Variants in FBLN1 observed in about 807,000 individuals in gnomAD.
FBLN1 encodes fibulin-1.
In FBLN1, 34 loss-of-function variants were observed where a neutral mutation model predicts 89.7. The ratio of observed to expected loss-of-function variants is 0.38; its 90% confidence interval spans 0.29 to 0.50. The LOEUF (loss-of-function observed/expected upper bound fraction) is 0.50. Among genes scored for constraint, FBLN1 ranks in the 20% least tolerant of loss-of-function variants. FBLN1 has a pLI of 0.92. For missense variants in FBLN1, 777 were observed against 988.1 expected (o/e 0.79, Z 2.86); for synonymous variants, 393 against 391.3 (o/e 1.00, Z -0.05).
At chr22:45,598,787 G>A (rs9626405) in intron 16 of FBLN1, among the ~76,000 whole-genome samples, 44,454 of 152,228 alleles carry the variant, frequency 0.29, 9,464 homozygotes, top group African/African-American at 0.6. Flanking sequence ...TGGGAAGGCC[G>A]CTCTGCACAG....
Position 45,557,497 on chromosome 22 carries a change from T to C in FBLN1, c.1697+6882T>C, listed in dbSNP as rs113925818. Among the ~76,000 whole-genome samples, 1 of 152,286 alleles carries C rather than the reference T, an allele frequency of 6.6e-6. No homozygotes were observed. Among genetic ancestry groups the C allele is most frequent in the African/African-American group, 2.4e-5 (1 of 41,566 alleles). On this transcript the variant is annotated intron_variant, in intron 14 of 16. Coordinates refer to ENST00000327858, the MANE Select transcript of FBLN1 (RefSeq NM_006486.3). The surrounding 1 kb of genome is among the most constrained non-coding windows in gnomAD (Gnocchi z 4.9). ...GTGGCCATATCCAGGTCAGCCTTGGTGAGTGGAAGTCCATGTTGCTGAGCC... is the reference window on the plus strand; with the variant it reads ...GTGGCCATATCCAGGTCAGCCTTGGCGAGTGGAAGTCCATGTTGCTGAGCC...
chr22:45,558,209 G>T, intron 14 of FBLN1: 1 of 655,372 alleles, frequency 1.5e-6, no homozygotes, highest in South Asian at 1.7e-5. Context: ...GCTCAAGCCC[G>T]ATCACGTATA....
chr22:45,567,970 C>T (rs551793597), intron 14 of FBLN1, among the ~76,000 whole-genome samples: 28 of 152,254 alleles, frequency 1.8e-4, no homozygotes, highest in South Asian at 4.1e-4. Context: ...AAGGGGCTGG[C>T]GCAGGCTTGC....
chr22:45,571,111 C>CAAAAAAAAAAAAAAAAAAAAAAAAAA (rs542647353), intron 14 of FBLN1, among the ~76,000 whole-genome samples: 1 of 70,862 alleles, frequency 1.4e-5, no homozygotes, highest in African/African-American at 5.9e-5. Flanking sequence ...ACAAGAGTCT[C>CAAAAAAAAAAAAAAAAAAAAAAAAAA]AAAAAAAAAA....
intron 16 of FBLN1, among the ~76,000 whole-genome samples, chr22:45,599,842 G>A (rs931313921): frequency 4.6e-5 from 7 of 152,146 alleles, no homozygotes; most frequent in Non-Finnish European, 8.8e-5. Context: ...GCTTGAACCC[G>A]GGAGGTGGAC....
chr22:45,534,053 A>G (rs1047145531), intron 7 of FBLN1, among the ~76,000 whole-genome samples, 155 bp downstream of exon 7: 5 of 152,142 alleles, frequency 3.3e-5, no homozygotes, highest in African/African-American at 1.2e-4. Context: ...AGGTGGTTAT[A>G]CCCACCAGGG....
chr22:45,531,274 T>C lies in FBLN1; in HGVS notation c.494T>C (p.Ile165Thr), dbSNP rs1308274774. 1.9e-6 allele frequency: 3 copies of C among 1,613,996 alleles called. No homozygotes were observed. The highest frequency in any genetic ancestry group is 1.7e-5 in the Admixed American group (1 of 60,012). The change falls in exon 5 of 17, where the codon ATT becomes ACT. Residue 165 changes from isoleucine (I) to threonine (T), a missense_variant. Physicochemically the swap from Ile to Thr is moderately conservative, Grantham distance 89. Transcript: ENST00000327858. This position sits in a 1 kb window ranked among gnomAD's most constrained non-coding sequence, Gnocchi z 4.9. The stretch of plus-strand genomic sequence containing the variant: ...TCTTTTTCCCCCTTAGATAAGATCA[T>C]TGAGGTTGAGGAGGAACAAGAGGAC... Reference protein sequence around the residue: ...VGGLQETDKIIEVEEEQEDPY... With the variant: ...VGGLQETDKITEVEEEQEDPY...
At chr22:45,589,845 C>T (rs1481443177) in intron 16 of FBLN1, among the ~76,000 whole-genome samples, 1 of 151,490 alleles carries the variant, frequency 6.6e-6, no homozygotes, top group African/African-American at 2.5e-5. Context: ...CGCAGAGCAC[C>T]CTCCCATCGC....
intron 1 of FBLN1, among the ~76,000 whole-genome samples, chr22:45,516,591 C>T (rs2088172409): frequency 6.6e-6 from 1 of 152,210 alleles, no homozygotes; most frequent in African/African-American, 2.4e-5. Context: ...GACATTAGCT[C>T]TGCCTCCTGG....
chr22:45,528,331 CT>C (rs1409016444), intron 4 of FBLN1, among the ~76,000 whole-genome samples: 1 of 152,032 alleles, frequency 6.6e-6, no homozygotes, highest in East Asian at 1.9e-4. Context: ...CATCAACAGA[CT>C]TACATGTTAA....
At chr22:45,571,111 CAAAAAAAAAAAAAA>C (rs542647353) in intron 14 of FBLN1, among the ~76,000 whole-genome samples, 5 of 70,862 alleles carry the variant, frequency 7.1e-5, no homozygotes, top group Non-Finnish European at 1.3e-4. Context: ...ACAAGAGTCT[CAAAAAAAAAAAAAA>C]AAAAAAAAAA....
At position 45,531,734 on chromosome 22, in the gene FBLN1, G is replaced by C. The variant is rs1015556614; in HGVS notation, c.544+410G>C. 1.3e-5 allele frequency among the ~76,000 whole-genome samples: 2 copies of C among 152,196 alleles called. No individual in the cohort carries two copies. The highest frequency in any genetic ancestry group is 2.1e-4 in the South Asian group (1 of 4,826). ...TCTAGGGCTGGCTGGGGAGGGGAAG[G>C]GTGGGCTTACCAAGGAGGGGCCCTG... On this transcript the variant is annotated intron_variant, in intron 5 of 16. Coordinates refer to ENST00000327858, the MANE Select transcript of FBLN1 (RefSeq NM_006486.3). This position sits in a 1 kb window ranked among gnomAD's most constrained non-coding sequence, Gnocchi z 4.9.
chr22:45,600,617 T>C lies in FBLN1; in HGVS notation c.*171T>C. 1 of 794,122 alleles carries C rather than the reference T, an allele frequency of 1.3e-6. No individual in the cohort carries two copies. The highest frequency in any genetic ancestry group is 1.5e-5 in the South Asian group (1 of 67,894). 49.2% of individuals were successfully genotyped at this position (794,122 alleles called of 1,614,324 possible). ...ATGAATAAGTCCATCTGATGTATTT[T>C]CGGTGTTTAAAAAATGAGCCCAGTT... On this transcript the variant is annotated 3_prime_UTR_variant, in exon 17 of 17. Coordinates refer to ENST00000327858, the MANE Select transcript of FBLN1 (RefSeq NM_006486.3).
At position 45,580,518 on chromosome 22, in the gene FBLN1, G is replaced by A. The variant is rs1210888171; in HGVS notation, c.1972+3410G>A. Among the ~76,000 whole-genome samples the A allele has an allele frequency of 3.3e-5, 5 of 152,176 alleles. No individual in the cohort carries two copies. Among genetic ancestry groups the A allele is most frequent in the Admixed American group, 3.3e-4 (5 of 15,288 alleles). Reference sequence around the variant, plus strand: ...GACCAGGAGCCAGGGTTTCATCATCGCCAGGACCCTGTGACACGGTGGGAT... The same window carrying A: ...GACCAGGAGCCAGGGTTTCATCATCACCAGGACCCTGTGACACGGTGGGAT... On this transcript the variant is annotated intron_variant, in intron 16 of 16. Transcript: ENST00000327858. The surrounding 1 kb of genome is among the most constrained non-coding windows in gnomAD (Gnocchi z 8.6).
chr22:45,527,014 A>C (rs1376099276), intron 3 of FBLN1, among the ~76,000 whole-genome samples: 1 of 152,072 alleles, frequency 6.6e-6, no homozygotes, highest in Non-Finnish European at 1.5e-5. Context: ...CTCACACCCC[A>C]AAAGATGGAT....
rs112794257 is a variant in FBLN1 at position 45,548,396 on chromosome 22, C to T, written c.1442-217C>T. Among the ~76,000 whole-genome samples, 594 of 152,310 alleles carry T rather than the reference C, an allele frequency of 3.9e-3. 2 individuals carry two copies. The highest frequency in any genetic ancestry group is 0.01 in the Middle Eastern group (3 of 294). ...ACTGTGGTCCATATTTCCCCCTGCC[C>T]GCCACATGCATACTTCACACCATGA... On this transcript the variant is annotated intron_variant, in intron 12 of 16. Transcript: ENST00000327858.
chr22:45,573,994 T>C (rs1204817094), intron 14 of FBLN1, among the ~76,000 whole-genome samples: 1 of 151,800 alleles, frequency 6.6e-6, no homozygotes, highest in African/African-American at 2.4e-5. Flanking sequence ...TGCCTCCCCG[T>C]CACCTGGTGA....
In FBLN1 at chr22:45,550,796, G is replaced by A; in HGVS notation, c.1697+181G>A. The A allele has an allele frequency of 2.4e-6, 2 of 834,896 alleles. No individual in the cohort carries two copies. The highest frequency in any genetic ancestry group is 1.7e-5 in the African/African-American group (1 of 60,100). 51.7% of individuals were successfully genotyped at this position (834,896 alleles called of 1,614,324 possible). On this transcript the variant is annotated intron_variant, in intron 14 of 16. Transcript: ENST00000327858. The surrounding 1 kb of genome is among the most constrained non-coding windows in gnomAD (Gnocchi z 8.4). ...CTAAATGCTAGTGACACTGGTCTCG[G>A]AAAGTCAAGGGGGTAACTGCAAATG... is the stretch of plus-strand genomic sequence containing the variant.
chr22:45,560,927 G>A (rs991060502), intron 14 of FBLN1, among the ~76,000 whole-genome samples: 9 of 152,156 alleles, frequency 5.9e-5, no homozygotes, highest in Admixed American at 2.6e-4. Flanking sequence ...TGTTGCCTCA[G>A]GCAGCGTGGG....
Sources: allele counts gnomAD v4.1 joint callset (sites outside exome capture counted in the v4.1 genomes callset), GRCh38; gene constraint gnomAD v4.1.1; non-coding constraint Gnocchi (gnomAD v3.1); transcripts MANE v1.5; gene names NCBI Gene and HGNC (gene_info 2026-07-23, HGNC 2026-07-21).